SUSD4: variants seen among roughly 807,000 people sequenced by gnomAD.
The protein encoded by SUSD4 is sushi domain containing 4.
A neutral mutation model predicts 50.5 loss-of-function variants in SUSD4; 41 were observed. The observed-to-expected ratio is 0.81, with a 90% CI of 0.63 to 1.05. The LOEUF is 1.05. Ranked by LOEUF, SUSD4 falls within the 50% of genes least tolerant of loss-of-function variation. The pLI, the probability that SUSD4 is intolerant of heterozygous loss-of-function variation, is 0.00. For synonymous variants in SUSD4, 257 were observed against 257.3 expected (o/e 1.00, Z 0.01); for missense variants, 580 against 634.7 (o/e 0.91, Z 0.93).
At chr1:223,359,758 C>T (rs1668867593) in intron 2 of SUSD4, among the ~76,000 whole-genome samples, 1 of 152,028 alleles carries the variant, frequency 6.6e-6, no homozygotes, top group Non-Finnish European at 1.5e-5. Flanking sequence ...ACAGCTAGTG[C>T]AATGGGAGCC....
In SUSD4 at chr1:223,268,541, G is replaced by C. The variant is rs768968054; in HGVS notation, c.496C>G (p.Arg166Gly). The C allele has an allele frequency of 3.1e-6, 5 of 1,613,830 alleles. No individual in the cohort carries two copies. The highest frequency in any genetic ancestry group is 4.2e-6 in the Non-Finnish European group (5 of 1,179,962). Residue 166 changes from arginine to glycine, a missense_variant, in exon 4 of 9, where the codon CGC becomes GGC. By Grantham distance (125) the Arg-to-Gly change is moderately radical. Coordinates refer to ENST00000366878, the MANE Select transcript of SUSD4 (RefSeq NM_017982.4). ...PDLHNMVSLC[R>G]DDGTWNNLPI... ...AGATTATTCCACGTTCCATCATCGC[G>C]ACATAATGAAACCATATTGTGTAGG... is the stretch of plus-strand genomic sequence containing the variant.
intron 7 of SUSD4, among the ~76,000 whole-genome samples, chr1:223,226,774 C>T (rs1284570934): frequency 6.6e-6 from 1 of 152,188 alleles, no homozygotes; most frequent in East Asian, 1.9e-4. Flanking sequence ...CCACAGAAGG[C>T]AAGGAAAAGA....
At chr1:223,265,743 G>A (rs1662450092) in intron 4 of SUSD4, among the ~76,000 whole-genome samples, 1 of 152,246 alleles carries the variant, frequency 6.6e-6, no homozygotes, top group African/African-American at 2.4e-5. Context: ...ATTCTGTTGT[G>A]TGTGGCATCC....
At chr1:223,249,567 AGAG>A (rs1192435923) in intron 5 of SUSD4, among the ~76,000 whole-genome samples, 1 of 152,222 alleles carries the variant, frequency 6.6e-6, no homozygotes, top group African/African-American at 2.4e-5. Flanking sequence ...TGAGTTAAGA[AGAG>A]GAGGAAGCAA....
chr1:223,320,802 C>A (rs1373687538), intron 2 of SUSD4, among the ~76,000 whole-genome samples: 1 of 152,222 alleles, frequency 6.6e-6, no homozygotes, highest in African/African-American at 2.4e-5. Context: ...CTCATCTCCA[C>A]AAGCCCCAAG....
At position 223,349,259 on chromosome 1, in the gene SUSD4, T is replaced by A. The variant is rs576354012; in HGVS notation, c.148+14019A>T. ...AGATAAATTCAAAATGACTTAAAAA[T>A]ATATATATATGTGATGGCCTCCAGT... On this transcript the variant is annotated intron_variant, in intron 2 of 8. Transcript: ENST00000366878. Among the ~76,000 whole-genome samples, 39 of 152,234 alleles carry A rather than the reference T, an allele frequency of 2.6e-4. 2 individuals carry two copies. Among genetic ancestry groups the A allele is most frequent in the Admixed American group, 2.4e-3 (37 of 15,284 alleles).
intron 3 of SUSD4, among the ~76,000 whole-genome samples, chr1:223,284,098 G>GGC (rs1558214059): frequency 2.8e-5 from 4 of 143,184 alleles, no homozygotes; most frequent in African/African-American, 1.0e-4. Context: ...GGGGGAGGGG[G>GGC]GAGGGAAAGC....
At chr1:223,286,397 G>A (rs888310779) in intron 3 of SUSD4, among the ~76,000 whole-genome samples, 4 of 152,150 alleles carry the variant, frequency 2.6e-5, no homozygotes, top group South Asian at 2.1e-4. Flanking sequence ...TTATAGGCGC[G>A]AGCCACCGCA....
chr1:223,289,725 A>G (rs1244381016), intron 3 of SUSD4, among the ~76,000 whole-genome samples: 1 of 152,220 alleles, frequency 6.6e-6, no homozygotes, highest in Non-Finnish European at 1.5e-5. Flanking sequence ...CTATAGGTCA[A>G]ACAAAAACTA....
At chr1:223,259,224 CAT>C (rs2103061729) in intron 5 of SUSD4, among the ~76,000 whole-genome samples, 1 of 152,320 alleles carries the variant, frequency 6.6e-6, no homozygotes, top group Non-Finnish European at 1.5e-5. Flanking sequence ...CGTGAAATAG[CAT>C]ATGACACTGA....
At position 223,264,728 on chromosome 1, in the gene SUSD4, C is replaced by T. The variant is rs112912611; in HGVS notation, c.626G>A (p.Arg209His). ...SFPVGTVISY[R>H]CFPGFKLDGS... ...ATCAAGTTTAAATCCGGGAAAGCAG[C>T]GATAGGAGATCACAGTCCCCACCGG... The change falls in exon 5 of 9, where the codon CGC (arginine) becomes CAC (histidine). Residue 209 changes from arginine (R) to histidine (H), a missense_variant. Physicochemically the swap from Arg to His is conservative, Grantham distance 29. Transcript: ENST00000366878. 3.3e-3 allele frequency: 5,305 copies of T among 1,614,126 alleles called. 23 individuals carry two copies. Among genetic ancestry groups the T allele is most frequent in the Non-Finnish European group, 4.2e-3 (4,910 of 1,180,030 alleles).
At chr1:223,345,574 A>G (rs1667985276) in intron 2 of SUSD4, among the ~76,000 whole-genome samples, 1 of 152,122 alleles carries the variant, frequency 6.6e-6, no homozygotes, top group African/African-American at 2.4e-5. Flanking sequence ...CAGGACCACT[A>G]CTGAACACTG....
intron 5 of SUSD4, among the ~76,000 whole-genome samples, chr1:223,252,663 C>T (rs1315621114): frequency 6.6e-6 from 1 of 151,920 alleles, no homozygotes; most frequent in East Asian, 1.9e-4. Context: ...CAGGTGTTTA[C>T]TTGTGATAGC....
Position 223,307,262 on chromosome 1 carries a change from G to A in SUSD4, c.149-14611C>T, listed in dbSNP as rs927602786. Among the ~76,000 whole-genome samples, 5 of 152,274 alleles carry A rather than the reference G, an allele frequency of 3.3e-5. No individual in the cohort carries two copies. In the South Asian group the frequency reaches 6.2e-4, roughly 19 times the overall value. On this transcript the variant is annotated intron_variant, in intron 2 of 8. Coordinates refer to ENST00000366878, the MANE Select transcript of SUSD4 (RefSeq NM_017982.4). Reference sequence around the variant, plus strand: ...CTCAACATGCCTATGGCTATTTGTTGTTTTTTATGAAATCAAATTTCCTTT... The same window carrying A: ...CTCAACATGCCTATGGCTATTTGTTATTTTTTATGAAATCAAATTTCCTTT...
At chr1:223,355,143 C>T (rs1284296077) in intron 2 of SUSD4, among the ~76,000 whole-genome samples, 2 of 151,212 alleles carry the variant, frequency 1.3e-5, no homozygotes, top group Admixed American at 6.6e-5. Flanking sequence ...GGCACAATCT[C>T]GGCTCACTGT....
At position 223,223,513 on chromosome 1, in the gene SUSD4, A is replaced by G. The variant is rs1336436330; in HGVS notation, c.1180T>C (p.Tyr394His). 1 of 1,611,430 alleles carries G rather than the reference A, an allele frequency of 6.2e-7. No individual in the cohort carries two copies. Among genetic ancestry groups the G allele is most frequent in the Non-Finnish European group, 8.5e-7 (1 of 1,179,148 alleles). The change falls in exon 8 of 9, where the codon TAC becomes CAC. Residue 394 changes from tyrosine to histidine, a missense_variant. Coordinates refer to ENST00000366878, the MANE Select transcript of SUSD4 (RefSeq NM_017982.4). ...CAGCCCTGGCCCACAGAGGCCATGT[A>G]CCCGGGGCCTAAGGCACTCAAGCCG... is the stretch of plus-strand genomic sequence containing the variant. ...SGGLSALGPG[Y>H]MASVGQGCPL...
At chr1:223,303,059 G>A (rs138881690) in intron 2 of SUSD4, among the ~76,000 whole-genome samples, 1,909 of 152,244 alleles carry the variant, frequency 0.013, 40 homozygotes, top group African/African-American at 0.043. Flanking sequence ...GAAGTGGGAA[G>A]ATCACTTGAG....
intron 6 of SUSD4, among the ~76,000 whole-genome samples, chr1:223,228,834 G>T (rs967911173): frequency 2.0e-5 from 3 of 151,896 alleles, no homozygotes; most frequent in Non-Finnish European, 4.4e-5. Context: ...AAAGAGTGTG[G>T]AGGCTGGAGG....
At chr1:223,240,455 C>T (rs1660501831) in intron 5 of SUSD4, among the ~76,000 whole-genome samples, 1 of 152,004 alleles carries the variant, frequency 6.6e-6, no homozygotes, top group Non-Finnish European at 1.5e-5. Context: ...AGTTGTCCCA[C>T]AGTCCTCGGA....
Sources: gnomAD v4.1 joint callset for allele counts (sites outside exome capture counted in the v4.1 genomes callset) on GRCh38, gnomAD v4.1.1 for gene constraint, MANE v1.5 for transcripts, NCBI Gene and HGNC (gene_info 2026-07-23, HGNC 2026-07-21) for gene names.